ZNF600: variants seen among roughly 807,000 people sequenced by gnomAD.
The protein encoded by ZNF600 is zinc finger protein 600, also known as zinc finger protein KR-ZNF1.
A neutral mutation model predicts 7.3 loss-of-function variants in ZNF600; 4 were observed. That is an observed-to-expected ratio of 0.55 (90% confidence interval 0.27 to 1.25). The LOEUF is 1.25. Ranked by LOEUF, ZNF600 falls within the 50% of genes most tolerant of loss-of-function variation. The pLI is 0.12. For synonymous variants in ZNF600, 290 were observed against 308.9 expected (o/e 0.94, Z 0.64); for missense variants, 911 against 922.1 (o/e 0.99, Z 0.16).
At chr19:52,801,650 A>G in the ZNF600 span, 1 of 1,613,524 alleles carries the variant, frequency 6.2e-7, no homozygotes, top group Non-Finnish European at 8.5e-7. Context: ...ACGCTTCTGT[A>G]TTGCCTTGCC....
the ZNF600 span, chr19:52,800,646 C>A: frequency 6.2e-7 from 1 of 1,612,778 alleles, no homozygotes; most frequent in Non-Finnish European, 8.5e-7. Context: ...CCTCTTATGT[C>A]TTTCAAGATG....
chr19:52,765,983 GA>G lies in ZNF600; in HGVS notation c.1979del (p.Phe660SerfsTer91). ...GTCTTGCCAGGTATGAATTACGCAC[GA>G]AAGCCTTGTCACAAACCGTACATTT... On this transcript the variant is annotated frameshift_variant, in exon 4 of 4. Transcript: ENST00000648973. LOFTEE classifies it low-confidence loss of function (END_TRUNC). The G allele has an allele frequency of 6.2e-7, 1 of 1,613,974 alleles. No homozygotes were observed. Among genetic ancestry groups the G allele is most frequent in the Non-Finnish European group, 8.5e-7 (1 of 1,179,988 alleles).
chr19:52,794,690 C>T, the ZNF600 span, among the ~76,000 whole-genome samples: 5 of 152,122 alleles, frequency 3.3e-5, no homozygotes, highest in African/African-American at 1.2e-4. Flanking sequence ...CGCGTCTCTA[C>T]CAAAAGTATA....
chr19:52,789,968 T>TG (rs1600409465), upstream of ZNF600, among the ~76,000 whole-genome samples: 1 of 150,184 alleles, frequency 6.7e-6, no homozygotes, highest in Non-Finnish European at 1.5e-5. Flanking sequence ...TGGGTAGGAG[T>TG]GGGGGTCACA....
At chr19:52,795,608 C>T in the ZNF600 span, among the ~76,000 whole-genome samples, 102 of 152,220 alleles carry the variant, frequency 6.7e-4, no homozygotes, top group African/African-American at 2.3e-3. Flanking sequence ...CACCCTGTAG[C>T]CCAGCTGGAG....
chr19:52,783,413 G>A (rs892787357), intron 1 of ZNF600, among the ~76,000 whole-genome samples: 4 of 152,138 alleles, frequency 2.6e-5, no homozygotes, highest in African/African-American at 4.8e-5. Flanking sequence ...CCAGGCTGGA[G>A]GGCAGTGGCG....
At chr19:52,793,787 C>T in the ZNF600 span, among the ~76,000 whole-genome samples, 2 of 74,506 alleles carry the variant, frequency 2.7e-5, no homozygotes, top group Non-Finnish European at 5.7e-5. Context: ...CACACACACA[C>T]ACACACACAC....
At chr19:52,772,050 A>G (rs113232683) in intron 3 of ZNF600, among the ~76,000 whole-genome samples, 295 of 152,342 alleles carry the variant, frequency 1.9e-3, no homozygotes, top group African/African-American at 6.7e-3. Context: ...ATATGAAGCC[A>G]TCTAATAGTA....
chr19:52,773,701 TCTA>T (rs1199382163), intron 3 of ZNF600, among the ~76,000 whole-genome samples: 2 of 151,954 alleles, frequency 1.3e-5, no homozygotes, highest in African/African-American at 4.8e-5. Context: ...AAACACTGTC[TCTA>T]CTGAAAAAAT....
the ZNF600 span, among the ~76,000 whole-genome samples, chr19:52,820,594 C>G: frequency 6.6e-6 from 1 of 151,972 alleles, no homozygotes; most frequent in Non-Finnish European, 1.5e-5. Flanking sequence ...TGTGCTTCTC[C>G]CTCTGTTCTC....
the ZNF600 span, chr19:52,801,707 A>G: frequency 1.2e-6 from 2 of 1,609,334 alleles, no homozygotes; most frequent in South Asian, 2.2e-5. Flanking sequence ...AGATATCTAC[A>G]AAATATAAAC....
chr19:52,767,345 A>G lies in ZNF600; in HGVS notation c.618T>C (p.Asn206=), dbSNP rs1396432932. Residue 206 remains asparagine (N), a synonymous_variant, in exon 4 of 4, where the codon AAT becomes AAC. Coordinates refer to ENST00000648973, the Ensembl canonical transcript of ZNF600. ...AATTCGGGGAATTATTCCCATAGTT[A>G]TTAGAAATATGGATTTGGGGCCTAG... 6 of 1,613,954 alleles carry G rather than the reference A, an allele frequency of 3.7e-6. No homozygotes were observed. The African/African-American group carries it at 8.0e-5, about 22-fold the overall frequency.
the ZNF600 span, among the ~76,000 whole-genome samples, chr19:52,821,928 AT>A: frequency 1.1e-4 from 10 of 92,468 alleles, no homozygotes; most frequent in African/African-American, 3.5e-4. Flanking sequence ...AAATAAAAAA[AT>A]AATAAAAAAA....
intron 1 of ZNF600, among the ~76,000 whole-genome samples, chr19:52,783,422 C>T (rs373832185): frequency 3.9e-5 from 6 of 152,082 alleles, no homozygotes; most frequent in Admixed American, 6.6e-5. Flanking sequence ...AGGGCAGTGG[C>T]GCGATCTCGG....
chr19:52,818,889 A>G, the ZNF600 span, among the ~76,000 whole-genome samples: 1 of 31,096 alleles, frequency 3.2e-5, no homozygotes, highest in East Asian at 2.6e-4. Flanking sequence ...GTTTGGGAAA[A>G]AAAAAAAAAA....
chr19:52,765,476 T>C (rs1319736384), exon 4 of ZNF600: 1 of 1,483,622 alleles, frequency 6.7e-7, no homozygotes, highest in Non-Finnish European at 9.4e-7. Flanking sequence ...ATGAATGATG[T>C]CTGAAAAATT....
chr19:52,790,682 C>CTTTTTTT (rs71183835), upstream of ZNF600, among the ~76,000 whole-genome samples: 1 of 98,572 alleles, frequency 1.0e-5, no homozygotes, highest in Non-Finnish European at 1.9e-5. Context: ...TCTCTCTCTC[C>CTTTTTTT]TTTTTTTTTT....
intron 2 of ZNF600, among the ~76,000 whole-genome samples, chr19:52,777,398 G>A (rs1017968037): frequency 1.3e-5 from 2 of 151,518 alleles, no homozygotes; most frequent in Non-Finnish European, 2.9e-5. Context: ...GAGTCCAGCT[G>A]GGCTGGCTGT....
chr19:52,825,886 G>A, the ZNF600 span, among the ~76,000 whole-genome samples: 2 of 152,192 alleles, frequency 1.3e-5, no homozygotes, highest in East Asian at 3.8e-4. Flanking sequence ...TATTCAGGAG[G>A]CTGAGGCACA....
Sources: gnomAD v4.1 joint callset for allele counts (sites outside exome capture counted in the v4.1 genomes callset) on GRCh38, gnomAD v4.1.1 for gene constraint, MANE v1.5 for transcripts, NCBI Gene and HGNC (gene_info 2026-07-23, HGNC 2026-07-21) for gene names.